Variants in CDH13 observed in about 807,000 individuals in gnomAD.
CDH13 encodes the protein cadherin-13.
CDH13 carries 24 observed loss-of-function variants against 63.8 expected under a neutral mutation model. The ratio of observed to expected loss-of-function variants is 0.38; its 90% CI spans 0.27 to 0.53. The LOEUF (loss-of-function observed/expected upper bound fraction) is 0.53, where lower values mean the gene tolerates loss of function less well. Ranked by LOEUF, CDH13 falls within the 20% of genes least tolerant of loss-of-function variation. The probability of loss-of-function intolerance (pLI) is 0.85; values close to 1 mark genes in which losing one functional copy is unlikely to be tolerated. For missense variants in CDH13, 1,049 were observed against 903.1 expected, an observed-to-expected ratio of 1.16 and a Z score of -2.07; for synonymous variants, 503 against 355.3, an observed-to-expected ratio of 1.42 and a Z score of -4.67.
At chr16:82,629,074 C>G (rs1026109277) in intron 1 of CDH13, among the ~76,000 whole-genome samples, 1 of 152,210 alleles carries the variant, frequency 6.6e-6, no homozygotes, top group East Asian at 1.9e-4. Context: ...AACCTCAGTT[C>G]ATATTCCAGG....
At chr16:83,114,844 A>G (rs2035221157) in intron 3 of CDH13, among the ~76,000 whole-genome samples, 1 of 152,242 alleles carries the variant, frequency 6.6e-6, no homozygotes, top group South Asian at 2.1e-4. Context: ...GTTTGATTGC[A>G]TACAAAATGT....
intron 1 of CDH13, among the ~76,000 whole-genome samples, chr16:82,660,470 G>A (rs895127026): frequency 6.6e-6 from 1 of 152,172 alleles, no homozygotes; most frequent in African/African-American, 2.4e-5. Flanking sequence ...GGGAGCACCA[G>A]TTGGTGAACG....
At chr16:83,127,046 G>A (rs890503301) in intron 4 of CDH13, among the ~76,000 whole-genome samples, 3 of 152,140 alleles carry the variant, frequency 2.0e-5, no homozygotes, top group Non-Finnish European at 4.4e-5. Context: ...AGACTGGAAG[G>A]GTGAGAAAGG....
chr16:83,520,942 C>G (rs2074817845), intron 7 of CDH13, among the ~76,000 whole-genome samples: 1 of 149,098 alleles, frequency 6.7e-6, no homozygotes, highest in Non-Finnish European at 1.5e-5. Flanking sequence ...GAAGTGTTCA[C>G]AGGAAGTGCC....
chr16:83,209,086 C>T (rs2039262376), intron 4 of CDH13, among the ~76,000 whole-genome samples: 1 of 152,148 alleles, frequency 6.6e-6, no homozygotes, highest in African/African-American at 2.4e-5. Context: ...AGACCTGGAG[C>T]CAGCGATGAG....
chr16:82,860,605 C>T (rs1156524190), intron 2 of CDH13, among the ~76,000 whole-genome samples: 1 of 150,996 alleles, frequency 6.6e-6, no homozygotes, highest in African/African-American at 2.4e-5. Flanking sequence ...TGATTAGCCC[C>T]TCTTGGTGAA....
intron 4 of CDH13, among the ~76,000 whole-genome samples, chr16:83,208,773 C>T (rs943762253): frequency 6.6e-6 from 1 of 152,120 alleles, no homozygotes; most frequent in African/African-American, 2.4e-5. Flanking sequence ...AGTTATCATC[C>T]TCTGAAAATG....
At chr16:83,474,832 T>A (rs9925903) in intron 6 of CDH13, among the ~76,000 whole-genome samples, 1 of 151,978 alleles carries the variant, frequency 6.6e-6, no homozygotes, top group African/African-American at 2.4e-5. Context: ...AGTGACTGTT[T>A]GACTTCTGCC....
intron 7 of CDH13, among the ~76,000 whole-genome samples, chr16:83,551,824 A>G (rs948356016): frequency 6.6e-6 from 1 of 152,194 alleles, no homozygotes; most frequent in African/African-American, 2.4e-5. Flanking sequence ...GTCAGGGGCC[A>G]TAACATCTTT....
At chr16:83,094,866 C>G (rs1203463460) in intron 3 of CDH13, among the ~76,000 whole-genome samples, 1 of 152,134 alleles carries the variant, frequency 6.6e-6, no homozygotes, top group East Asian at 1.9e-4. Flanking sequence ...TAGATACCTA[C>G]TTTTTAAGAT....
intron 2 of CDH13, among the ~76,000 whole-genome samples, chr16:82,878,467 A>T (rs1348182650): frequency 6.8e-6 from 1 of 147,310 alleles, no homozygotes; most frequent in Non-Finnish European, 1.5e-5. Context: ...GATACATTTC[A>T]GTAAGGTTGT....
At chr16:83,062,183 G>C (rs572788640) in intron 3 of CDH13, among the ~76,000 whole-genome samples, 22 of 152,264 alleles carry the variant, frequency 1.4e-4, no homozygotes, top group Non-Finnish European at 2.6e-4. Context: ...TCATTTTACT[G>C]TCTGGTTAAA....
intron 5 of CDH13, among the ~76,000 whole-genome samples, chr16:83,261,304 G>C (rs186883861): frequency 4.6e-5 from 7 of 152,296 alleles, no homozygotes; most frequent in Non-Finnish European, 8.8e-5. Flanking sequence ...TTACCGATAC[G>C]TTAACTTCAT....
chr16:83,403,817 A>G (rs967552645), intron 6 of CDH13, among the ~76,000 whole-genome samples: 2 of 152,122 alleles, frequency 1.3e-5, no homozygotes, highest in Non-Finnish European at 2.9e-5. Flanking sequence ...CCTAGATACA[A>G]AAAGTTCAGT....
At chr16:83,763,880 G>A (rs1407227809) in intron 11 of CDH13, among the ~76,000 whole-genome samples, 1 of 152,114 alleles carries the variant, frequency 6.6e-6, no homozygotes, top group African/African-American at 2.4e-5. Flanking sequence ...TGGAGGGGCA[G>A]CACACTGGGT....
chr16:83,159,033 C>G (rs911918050), intron 4 of CDH13, among the ~76,000 whole-genome samples: 2 of 152,106 alleles, frequency 1.3e-5, no homozygotes, highest in Non-Finnish European at 2.9e-5. Flanking sequence ...CTCACAATTC[C>G]TACATAGTCA....
chr16:83,442,093 C>G (rs142579573), intron 6 of CDH13, among the ~76,000 whole-genome samples: 15 of 152,264 alleles, frequency 9.9e-5, no homozygotes, highest in African/African-American at 3.4e-4. Context: ...CGGAGGAACA[C>G]ACAGGCCAAC....
At chr16:83,038,240 T>C (rs1163694955) in intron 3 of CDH13, among the ~76,000 whole-genome samples, 8 of 152,182 alleles carry the variant, frequency 5.3e-5, no homozygotes, top group African/African-American at 1.7e-4. Flanking sequence ...GAGCCTGGCC[T>C]CTCTTATTTT....
intron 4 of CDH13, among the ~76,000 whole-genome samples, chr16:83,205,405 C>G (rs1026784103): frequency 2.0e-5 from 3 of 152,144 alleles, no homozygotes. Context: ...ATGACTCCTC[C>G]TCCTCCAATC....
Sources: allele counts gnomAD v4.1 joint callset (sites outside exome capture counted in the v4.1 genomes callset), GRCh38; gene constraint gnomAD v4.1.1; transcripts MANE v1.5; gene names NCBI Gene and HGNC (gene_info 2026-07-23, HGNC 2026-07-21).